SNRK: variants seen among roughly 807,000 people sequenced by gnomAD.
The protein encoded by SNRK is SNF related kinase, also known as SNF-related serine/threonine-protein kinase.
A neutral mutation model predicts 48.2 loss-of-function variants in SNRK; 3 were observed. That is an observed-to-expected ratio of 0.06 (90% CI 0.03 to 0.16). The LOEUF (loss-of-function observed/expected upper bound fraction) is 0.16. SNRK is among the 10% of genes least tolerant of loss of function. The pLI, the probability that SNRK is intolerant of heterozygous loss-of-function variation, is 1.00. For missense variants in SNRK, 627 were observed against 976.0 expected, an observed-to-expected ratio of 0.64 and a Z score of 4.76; for synonymous variants, 376 against 366.1, an observed-to-expected ratio of 1.03 and a Z score of -0.31.
At chr3:43,339,861 A>G (rs1187480551) in intron 4 of SNRK, among the ~76,000 whole-genome samples, 23 of 64,494 alleles carry the variant, frequency 3.6e-4, no homozygotes, top group East Asian at 1.2e-3. Flanking sequence ...ATATATATAT[A>G]TATATATATA....
intron 3 of SNRK, among the ~76,000 whole-genome samples, chr3:43,326,141 GT>G (rs1311508337): frequency 6.6e-6 from 1 of 151,950 alleles, no homozygotes; most frequent in Non-Finnish European, 1.5e-5. Flanking sequence ...AACTTTTTCT[GT>G]TTTAACTTGA....
At chr3:43,306,686 T>C (rs141249498) in intron 3 of SNRK, among the ~76,000 whole-genome samples, 2 of 152,302 alleles carry the variant, frequency 1.3e-5, no homozygotes, top group East Asian at 3.9e-4. Context: ...TGTACATCTT[T>C]AACTTTAATG....
chr3:43,322,327 C>T (rs1407265291), intron 3 of SNRK, among the ~76,000 whole-genome samples: 2 of 152,016 alleles, frequency 1.3e-5, no homozygotes, highest in Non-Finnish European at 2.9e-5. Context: ...TAATTAAGAA[C>T]AAAGTGAATA....
At chr3:43,307,641 ATGT>A (rs1192797060) in intron 3 of SNRK, among the ~76,000 whole-genome samples, 4 of 152,154 alleles carry the variant, frequency 2.6e-5, no homozygotes, top group Non-Finnish European at 4.4e-5. Context: ...TAACCAATAA[ATGT>A]TGTATGTGTT....
Position 43,343,350 on chromosome 3 carries a change from G to A in SNRK, c.951G>A (p.Leu317=). ...IADRDAIVEA[L]ETNRYNHITA... ...CTCACCTTGTTTTCCTCAGAGCCCT[G>A]GAAACCAACAGGTATAACCATATCA... The change falls in exon 6 of 7, where the codon CTG becomes CTA. Residue 317 remains leucine, a synonymous_variant. Coordinates refer to ENST00000296088, the MANE Select transcript of SNRK (RefSeq NM_017719.5). 1 of 1,608,722 alleles carries A rather than the reference G, an allele frequency of 6.2e-7. No homozygotes were observed. The highest frequency in any genetic ancestry group is 8.5e-7 in the Non-Finnish European group (1 of 1,178,532).
intron 5 of SNRK, chr3:43,343,139 T>C (rs1197311045): frequency 1.4e-5 from 8 of 552,522 alleles, no homozygotes; most frequent in South Asian, 1.1e-4. Context: ...CATAAAAATA[T>C]GAACATTTTT....
chr3:43,319,984 T>A (rs1482942295), intron 3 of SNRK, among the ~76,000 whole-genome samples: 1 of 152,222 alleles, frequency 6.6e-6, no homozygotes, highest in East Asian at 1.9e-4. Flanking sequence ...CTTGCAAGCT[T>A]ATGAGGTTGA....
chr3:43,339,335 C>T (rs1028412842), intron 4 of SNRK, among the ~76,000 whole-genome samples: 2 of 152,152 alleles, frequency 1.3e-5, no homozygotes, highest in South Asian at 4.1e-4. Flanking sequence ...TGTCTACCTT[C>T]AGTAGGCCTT....
At chr3:43,305,013 G>A (rs562899108) in intron 3 of SNRK, among the ~76,000 whole-genome samples, 124 of 151,996 alleles carry the variant, frequency 8.2e-4, no homozygotes, top group African/African-American at 2.9e-3. Context: ...GTCTACCCAA[G>A]AAAAAATCTT....
At position 43,343,518 on chromosome 3, in the gene SNRK, T is replaced by A; in HGVS notation, c.1079+40T>A. ...TTCACTGATTTTAGTAAGTTTAACG[T>A]TTTGAAATAGCGAACTTTTTTTTTT... On this transcript the variant is annotated intron_variant, in intron 6 of 6. Transcript: ENST00000296088. The A allele has an allele frequency of 1.9e-6, 3 of 1,593,740 alleles. No individual in the cohort carries two copies. The South Asian group carries it at 3.4e-5, about 18-fold the overall frequency.
intron 4 of SNRK, among the ~76,000 whole-genome samples, chr3:43,339,219 G>A (rs1172420364): frequency 6.6e-6 from 1 of 152,190 alleles, no homozygotes; most frequent in African/African-American, 2.4e-5. Context: ...ACACAGACTT[G>A]TGTGAGGACC....
intron 2 of SNRK, among the ~76,000 whole-genome samples, chr3:43,302,191 T>C (rs1024075042): frequency 6.6e-6 from 1 of 152,196 alleles, no homozygotes; most frequent in Non-Finnish European, 1.5e-5. Flanking sequence ...ATTTACTAAG[T>C]ACCTACTACC....
intron 4 of SNRK, among the ~76,000 whole-genome samples, chr3:43,336,231 C>T (rs993375290): frequency 6.7e-6 from 1 of 148,154 alleles, no homozygotes; most frequent in Non-Finnish European, 1.5e-5. Flanking sequence ...TTTCCTTCCT[C>T]CCCTCTCTCC....
At chr3:43,330,167 A>G (rs1254368648) in intron 3 of SNRK, among the ~76,000 whole-genome samples, 1 of 152,216 alleles carries the variant, frequency 6.6e-6, no homozygotes, top group Non-Finnish European at 1.5e-5. Flanking sequence ...AACATTGTCA[A>G]TATTTGAACA....
At chr3:43,346,064 G>A (rs1322364330) in intron 6 of SNRK, among the ~76,000 whole-genome samples, 1 of 152,126 alleles carries the variant, frequency 6.6e-6, no homozygotes, top group East Asian at 1.9e-4. Context: ...CTCTAGGGAG[G>A]AGCCAGATAG....
intron 1 of SNRK, among the ~76,000 whole-genome samples, chr3:43,291,383 C>T (rs2090811243): frequency 6.6e-6 from 1 of 152,154 alleles, no homozygotes; most frequent in African/African-American, 2.4e-5. Context: ...TAAGTTGAGA[C>T]AGAGACCTTC....
intron 4 of SNRK, among the ~76,000 whole-genome samples, chr3:43,337,447 GTC>G (rs2091200209): frequency 6.6e-6 from 1 of 151,888 alleles, no homozygotes; most frequent in Non-Finnish European, 1.5e-5. Flanking sequence ...CGGGGGAATG[GTC>G]TCACCCTGTC....
chr3:43,300,220 C>T (rs768041442), intron 2 of SNRK, among the ~76,000 whole-genome samples: 1 of 151,906 alleles, frequency 6.6e-6, no homozygotes, highest in Non-Finnish European at 1.5e-5. Flanking sequence ...CTATAGCTTG[C>T]TATAGATTAA....
intron 6 of SNRK, chr3:43,346,822 C>T (rs896977879): frequency 3.9e-5 from 6 of 152,220 alleles, no homozygotes; most frequent in East Asian, 1.9e-4. Context: ...ATGATGTATA[C>T]GTGTTATAAC....
Sources: gnomAD v4.1 joint callset for allele counts (sites outside exome capture counted in the v4.1 genomes callset) on GRCh38, gnomAD v4.1.1 for gene constraint, MANE v1.5 for transcripts, NCBI Gene and HGNC (gene_info 2026-07-23, HGNC 2026-07-21) for gene names.